Variants in ANKS1B observed in about 807,000 individuals in gnomAD.
ANKS1B encodes ankyrin repeat and sterile alpha motif domain containing 1B.
Under a neutral mutation model 148.3 loss-of-function variants are expected in ANKS1B, and 36 were observed. The observed-to-expected ratio is 0.24, with a 90% confidence interval of 0.19 to 0.32. The LOEUF is 0.32. Ranked by LOEUF, ANKS1B falls within the 10% of genes least tolerant of loss-of-function variation. The probability of loss-of-function intolerance (pLI) is 1.00; values close to 1 mark genes in which losing one functional copy is unlikely to be tolerated. For missense variants in ANKS1B, 1,157 were observed against 1,542.6 expected, an observed-to-expected ratio of 0.75 and a Z score of 4.19; for synonymous variants, 542 against 560.8, an observed-to-expected ratio of 0.97 and a Z score of 0.47.
intron 17 of ANKS1B, among the ~76,000 whole-genome samples, chr12:98,993,447 G>A (rs2099927822): frequency 6.6e-6 from 1 of 152,220 alleles, no homozygotes; most frequent in Admixed American, 6.5e-5. Context: ...GGGATTACAG[G>A]CCTGAGCCAC....
intron 23 of ANKS1B, chr12:98,781,628 C>T (rs947556851): frequency 2.8e-6 from 1 of 359,136 alleles, no homozygotes; most frequent in African/African-American, 2.1e-5. Context: ...ATATATGCAC[C>T]CCCCCTTTTC....
chr12:99,161,710 T>C (rs1343522018), intron 14 of ANKS1B, among the ~76,000 whole-genome samples: 1 of 152,194 alleles, frequency 6.6e-6, no homozygotes, highest in Non-Finnish European at 1.5e-5. Context: ...AAATACTAGC[T>C]TCAAAAATTC....
chr12:98,913,155 C>A (rs1567745581), intron 17 of ANKS1B, among the ~76,000 whole-genome samples: 1 of 152,092 alleles, frequency 6.6e-6, no homozygotes, highest in Admixed American at 6.6e-5. Context: ...CAGTAAAGCT[C>A]CCAAGTCTGT....
intron 19 of ANKS1B, among the ~76,000 whole-genome samples, chr12:98,823,345 T>C (rs960612533): frequency 6.6e-6 from 1 of 152,206 alleles, no homozygotes; most frequent in African/African-American, 2.4e-5. Context: ...TGGAAGGAAA[T>C]GTTGAAATCA....
chr12:98,899,846 C>G (rs1351968043), intron 17 of ANKS1B, among the ~76,000 whole-genome samples: 1 of 152,182 alleles, frequency 6.6e-6, no homozygotes, highest in African/African-American at 2.4e-5. Context: ...ACATCTCTCA[C>G]ATTTATAGCA....
intron 7 of ANKS1B, among the ~76,000 whole-genome samples, chr12:99,774,973 T>C (rs1360353466): frequency 6.6e-6 from 1 of 151,916 alleles, no homozygotes; most frequent in African/African-American, 2.4e-5. Context: ...GAGAGTAGAA[T>C]GGTGAATGCC....
intron 1 of ANKS1B, among the ~76,000 whole-genome samples, chr12:99,897,721 C>T (rs980739712): frequency 4.0e-5 from 6 of 150,646 alleles, no homozygotes; most frequent in African/African-American, 1.5e-4. Context: ...GGACGGGGAG[C>T]CATTTTGGCT....
At chr12:99,712,556 A>T (rs1333956922) in intron 8 of ANKS1B, among the ~76,000 whole-genome samples, 1 of 152,228 alleles carries the variant, frequency 6.6e-6, no homozygotes, top group Admixed American at 6.5e-5. Context: ...ACAAAATACC[A>T]TCTAAATCTC....
intron 17 of ANKS1B, among the ~76,000 whole-genome samples, chr12:98,840,005 C>G (rs541848416): frequency 7.2e-5 from 11 of 152,226 alleles, no homozygotes; most frequent in Middle Eastern, 6.8e-3. Context: ...ATCTCAGGGT[C>G]CCTGAATGCA....
At position 99,606,349 on chromosome 12, in the gene ANKS1B, CAA is replaced by C. The variant is rs544421928; in HGVS notation, c.1272+48716_1272+48717del. Among the ~76,000 whole-genome samples, 299 of 152,024 alleles carry C rather than the reference CAA, an allele frequency of 2.0e-3. 2 individuals are homozygous for C. The highest frequency in any genetic ancestry group is 6.3e-3 in the African/African-American group (263 of 41,534). ...CATTATGAAACATTTTACTTCCTCA[CAA>C]AGAGTTGTTTCCTTTATAATTTCTA... is the stretch of plus-strand genomic sequence containing the variant. On this transcript the variant is annotated intron_variant, in intron 9 of 26. Transcript: ENST00000683438.
At chr12:99,259,152 G>A (rs1421597249) in intron 12 of ANKS1B, among the ~76,000 whole-genome samples, 1 of 152,136 alleles carries the variant, frequency 6.6e-6, no homozygotes, top group Non-Finnish European at 1.5e-5. Flanking sequence ...ACCTCCTATG[G>A]CATCAGTACA....
At chr12:99,464,872 G>C (rs1285507841) in intron 10 of ANKS1B, among the ~76,000 whole-genome samples, 1 of 152,178 alleles carries the variant, frequency 6.6e-6, no homozygotes, top group Non-Finnish European at 1.5e-5. Context: ...CACTATGCAG[G>C]ATATTATGTA....
chr12:98,938,976 G>C (rs1294863524), intron 17 of ANKS1B, among the ~76,000 whole-genome samples: 1 of 152,156 alleles, frequency 6.6e-6, no homozygotes, highest in Admixed American at 6.5e-5. Flanking sequence ...ATAACAAAAA[G>C]GCAAAAGTTT....
chr12:99,206,852 T>C (rs1413547161), intron 14 of ANKS1B, among the ~76,000 whole-genome samples: 1 of 152,206 alleles, frequency 6.6e-6, no homozygotes, highest in Non-Finnish European at 1.5e-5. Context: ...TGGAAACTTT[T>C]TGTAAAAAAT....
intron 12 of ANKS1B, among the ~76,000 whole-genome samples, chr12:99,359,313 C>T (rs1444240634): frequency 6.6e-6 from 1 of 151,996 alleles, no homozygotes; most frequent in East Asian, 1.9e-4. Flanking sequence ...CTACCTTTCT[C>T]TCTTGTTATA....
chr12:98,892,954 C>A (rs2099755707), intron 17 of ANKS1B, among the ~76,000 whole-genome samples: 1 of 152,200 alleles, frequency 6.6e-6, no homozygotes, highest in African/African-American at 2.4e-5. Context: ...AACTCCAATG[C>A]AGTAACATTA....
intron 14 of ANKS1B, among the ~76,000 whole-genome samples, chr12:99,198,608 T>C (rs948263909): frequency 1.4e-4 from 22 of 152,170 alleles, no homozygotes; most frequent in Admixed American, 1.4e-3. Context: ...GAGTAAGAAA[T>C]TGGTTGTAAT....
At chr12:99,651,231 T>C (rs1229059046) in intron 9 of ANKS1B, among the ~76,000 whole-genome samples, 1 of 152,034 alleles carries the variant, frequency 6.6e-6, no homozygotes, top group African/African-American at 2.4e-5. Flanking sequence ...CTGAAAAAAA[T>C]GGTTTCAAAA....
chr12:99,747,494 C>T (rs111658968), intron 8 of ANKS1B, among the ~76,000 whole-genome samples: 1,564 of 152,226 alleles, frequency 0.01, 29 homozygotes, highest in African/African-American at 0.032. Flanking sequence ...TCTTCCTCTC[C>T]CTCTGCTCAA....
Sources: allele counts gnomAD v4.1 joint callset (sites outside exome capture counted in the v4.1 genomes callset), GRCh38; gene constraint gnomAD v4.1.1; transcripts MANE v1.5; gene names NCBI Gene and HGNC (gene_info 2026-07-23, HGNC 2026-07-21).